Variants in TOX observed in about 807,000 individuals in gnomAD.
TOX encodes the protein thymocyte selection-associated high mobility group box protein TOX.
Under a neutral mutation model 53.7 loss-of-function variants are expected in TOX, and 11 were observed. The observed-to-expected ratio is 0.20, with a 90% CI of 0.13 to 0.34. The LOEUF (loss-of-function observed/expected upper bound fraction) is 0.34. Among genes scored for constraint, TOX ranks in the 10% least tolerant of loss-of-function variants. The probability of loss-of-function intolerance (pLI) is 1.00; values close to 1 mark genes in which losing one functional copy is unlikely to be tolerated. For synonymous variants in TOX, 225 were observed against 245.3 expected (o/e 0.92, Z 0.77); for missense variants, 570 against 664.6 (o/e 0.86, Z 1.56).
rs374623196 is a variant in TOX at position 58,963,339 on chromosome 8, A to G, written c.103-3331T>C. Among the ~76,000 whole-genome samples, 27 of 152,006 alleles carry G rather than the reference A, an allele frequency of 1.8e-4. No homozygotes were observed. The South Asian group carries it at 4.8e-3, about 27-fold the overall frequency. On this transcript the variant is annotated intron_variant, in intron 1 of 8. Coordinates refer to ENST00000361421, the MANE Select transcript of TOX (RefSeq NM_014729.3). ...TATAGATAGATAGATAGATAGATAGATAGGTAGATAGATAGACAGACAGAT... is the reference window on the plus strand; with the variant it reads ...TATAGATAGATAGATAGATAGATAGGTAGGTAGATAGATAGACAGACAGAT...
At chr8:59,019,109 T>G (rs1217649124) in intron 1 of TOX, among the ~76,000 whole-genome samples, 1 of 152,198 alleles carries the variant, frequency 6.6e-6, no homozygotes. Context: ...TGATTAATTT[T>G]CTCACCAGGA....
chr8:58,913,155 T>C (rs1253142113), intron 3 of TOX, among the ~76,000 whole-genome samples: 1 of 152,180 alleles, frequency 6.6e-6, no homozygotes, highest in Non-Finnish European at 1.5e-5. Flanking sequence ...ACCCATTTCA[T>C]GATGTAATGA....
chr8:58,887,699 T>C (rs2129171509), intron 3 of TOX, among the ~76,000 whole-genome samples: 2 of 152,152 alleles, frequency 1.3e-5, no homozygotes, highest in African/African-American at 4.8e-5. Context: ...TGTTTTTCTG[T>C]TTTGCTTGCT....
chr8:59,067,102 T>C (rs1396534248), intron 1 of TOX, among the ~76,000 whole-genome samples: 2 of 152,114 alleles, frequency 1.3e-5, no homozygotes, highest in Non-Finnish European at 2.9e-5. Context: ...ATCTTAATCC[T>C]ACTGCAAATC....
At position 58,938,630 on chromosome 8, in the gene TOX, T is replaced by C. The variant is rs150409290; in HGVS notation, c.411+672A>G. Among the ~76,000 whole-genome samples the C allele has an allele frequency of 7.2e-5, 11 of 152,320 alleles. No individual in the cohort carries two copies. The East Asian group carries it at 9.6e-4, about 13-fold the overall frequency. On this transcript the variant is annotated intron_variant, in intron 3 of 8. Coordinates refer to ENST00000361421, the MANE Select transcript of TOX (RefSeq NM_014729.3). ...TCAAGTATGGGATGCTTGTAAAATA[T>C]ACAAACCACTGGACTCCCTGGGTAG...
chr8:58,961,595 G>A (rs996696033), intron 1 of TOX, among the ~76,000 whole-genome samples: 18 of 151,400 alleles, frequency 1.2e-4, no homozygotes, highest in African/African-American at 3.6e-4. Context: ...TGGCGCGATC[G>A]CAGCTCACTG....
chr8:58,863,991 A>T (rs935207843), intron 3 of TOX, among the ~76,000 whole-genome samples: 3 of 147,462 alleles, frequency 2.0e-5, no homozygotes, highest in African/African-American at 7.6e-5. Context: ...TTTTTTTTTT[A>T]ACATCAGAAG....
chr8:58,958,170 C>T (rs1374049207), intron 2 of TOX, among the ~76,000 whole-genome samples: 2 of 152,150 alleles, frequency 1.3e-5, no homozygotes, highest in Non-Finnish European at 2.9e-5. Flanking sequence ...CAAATTATCA[C>T]TGGTATCCAA....
rs146532648 is a variant in TOX at position 59,107,711 on chromosome 8, T to C, written c.102+11175A>G. 3.1e-3 allele frequency among the ~76,000 whole-genome samples: 479 copies of C among 152,278 alleles called. 3 individuals are homozygous for C. Among genetic ancestry groups the C allele is most frequent in the African/African-American group, 0.011 (457 of 41,564 alleles). ...AGTGGGTGACTCTGATATTCTGATATTCTGCCAACAGGCCTTTAGGGCACA... is the reference window on the plus strand; with the variant it reads ...AGTGGGTGACTCTGATATTCTGATACTCTGCCAACAGGCCTTTAGGGCACA... On this transcript the variant is annotated intron_variant, in intron 1 of 8. Coordinates refer to ENST00000361421, the MANE Select transcript of TOX (RefSeq NM_014729.3).
rs140440327 is a variant in TOX, at chr8:58,912,208, G to A, written c.411+27094C>T. Among the ~76,000 whole-genome samples the A allele has an allele frequency of 6.0e-3, 909 of 152,272 alleles. 8 individuals are homozygous for A. Among genetic ancestry groups the A allele is most frequent in the Non-Finnish European group, 8.3e-3 (564 of 68,006 alleles). On this transcript the variant is annotated intron_variant, in intron 3 of 8. Coordinates refer to ENST00000361421, the MANE Select transcript of TOX (RefSeq NM_014729.3). ...GAATTCACATTTTGAAATCAAAGAA[G>A]TACAATTTACTTTAATTTACTCCTT... is the stretch of plus-strand genomic sequence containing the variant.
At chr8:59,048,476 A>T (rs1189204863) in intron 1 of TOX, among the ~76,000 whole-genome samples, 1 of 152,196 alleles carries the variant, frequency 6.6e-6, no homozygotes, top group Non-Finnish European at 1.5e-5. Context: ...ACTCACCCAA[A>T]AAGCATAAAA....
chr8:59,021,487 T>A (rs1400975494), intron 1 of TOX, among the ~76,000 whole-genome samples: 16 of 114,192 alleles, frequency 1.4e-4, no homozygotes, highest in African/African-American at 2.5e-4. Context: ...AAAAAATATA[T>A]ATATATATAT....
In TOX at chr8:58,808,230, G is replaced by A; in HGVS notation, c.1432C>T (p.Pro478Ser). Residue 478 changes from proline (P) to serine (S), a missense_variant, in exon 8 of 9, where the codon CCT becomes TCT. Transcript: ENST00000361421. The part of the protein sequence containing the change: ...LQPDYQTIIN[P>S]TSTAAQVVTQ... ...ACAACTTGTGCAGCTGTAGATGTAG[G>A]ATTGATAATAGTCTGATAGTCGGGT... is the stretch of plus-strand genomic sequence containing the variant. 2 of 1,613,920 alleles carry A rather than the reference G, an allele frequency of 1.2e-6. No homozygotes were observed. Among genetic ancestry groups the A allele is most frequent in the Non-Finnish European group, 1.7e-6 (2 of 1,179,902 alleles).
intron 1 of TOX, among the ~76,000 whole-genome samples, chr8:59,036,455 G>A (rs1262658329): frequency 2.0e-5 from 3 of 152,110 alleles, no homozygotes; most frequent in Non-Finnish European, 4.4e-5. Flanking sequence ...GTCTTATCCT[G>A]CATTTTATTG....
chr8:59,055,387 G>T (rs1803872451), intron 1 of TOX, among the ~76,000 whole-genome samples: 1 of 152,140 alleles, frequency 6.6e-6, no homozygotes, highest in South Asian at 2.1e-4. Flanking sequence ...AAGAACAAGG[G>T]CCCACATGAA....
intron 3 of TOX, among the ~76,000 whole-genome samples, chr8:58,872,624 A>T (rs968018035): frequency 4.6e-5 from 7 of 152,136 alleles, no homozygotes; most frequent in Middle Eastern, 3.2e-3. Flanking sequence ...TCCCCCCAAT[A>T]GTACATTACC....
At chr8:59,037,633 C>G (rs751706338) in intron 1 of TOX, among the ~76,000 whole-genome samples, 2 of 151,940 alleles carry the variant, frequency 1.3e-5, no homozygotes, top group African/African-American at 4.8e-5. Flanking sequence ...GAAACCTCAT[C>G]TCTCCTAAAA....
intron 3 of TOX, among the ~76,000 whole-genome samples, chr8:58,914,674 A>C (rs1811971256): frequency 6.6e-6 from 1 of 152,178 alleles, no homozygotes; most frequent in Admixed American, 6.5e-5. Flanking sequence ...CAATAATGCC[A>C]AAATTAAGAA....
intron 1 of TOX, among the ~76,000 whole-genome samples, chr8:59,007,243 G>T (rs1178987603): frequency 1.3e-5 from 2 of 151,106 alleles, no homozygotes; most frequent in South Asian, 2.1e-4. Context: ...CTTCAGTTAT[G>T]CAAACTTTCT....
Sources: gnomAD v4.1 joint callset for allele counts (sites outside exome capture counted in the v4.1 genomes callset) on GRCh38, gnomAD v4.1.1 for gene constraint, MANE v1.5 for transcripts, NCBI Gene and HGNC (gene_info 2026-07-23, HGNC 2026-07-21) for gene names.